The following NRG3 variants were observed in gnomAD, a reference collection of about 807,000 sequenced individuals.
NRG3 encodes neuregulin 3, also known as pro-neuregulin-3, membrane-bound isoform.
A neutral mutation model predicts 66.9 loss-of-function variants in NRG3; 31 were observed. That is an observed-to-expected ratio of 0.46 (90% confidence interval 0.35 to 0.63). NRG3 has a LOEUF of 0.63. Ranked by LOEUF, NRG3 falls within the 20% of genes least tolerant of loss-of-function variation. NRG3 has a pLI of 0.00. For synonymous variants in NRG3, 393 were observed against 359.4 expected, an observed-to-expected ratio of 1.09 and a Z score of -1.06; for missense variants, 910 against 878.9, an observed-to-expected ratio of 1.04 and a Z score of -0.45.
At chr10:82,972,616 T>C (rs1851874430) in intron 6 of NRG3, among the ~76,000 whole-genome samples, 2 of 152,190 alleles carry the variant, frequency 1.3e-5, no homozygotes, top group Non-Finnish European at 2.9e-5. Flanking sequence ...GGGTGGAATT[T>C]ATCTTTAGTT....
intron 4 of NRG3, among the ~76,000 whole-genome samples, chr10:82,916,665 C>T (rs534545158): frequency 2.1e-4 from 31 of 151,102 alleles, no homozygotes; most frequent in Non-Finnish European, 3.4e-4. Flanking sequence ...CTTGCTTGGT[C>T]GCTCAGGCTG....
At chr10:82,403,240 T>A (rs940877412) in intron 2 of NRG3, among the ~76,000 whole-genome samples, 2 of 152,174 alleles carry the variant, frequency 1.3e-5, no homozygotes, top group Non-Finnish European at 2.9e-5. Flanking sequence ...CATTTGAGCA[T>A]CCCATCATTC....
intron 2 of NRG3, among the ~76,000 whole-genome samples, chr10:82,410,373 A>G (rs1564890828): frequency 6.6e-6 from 1 of 151,586 alleles, no homozygotes; most frequent in Non-Finnish European, 1.5e-5. Flanking sequence ...ATGCCACGAC[A>G]TAGTTGAACT....
At chr10:82,245,459 C>A (rs781338081) in intron 1 of NRG3, among the ~76,000 whole-genome samples, 3 of 152,148 alleles carry the variant, frequency 2.0e-5, no homozygotes, top group Non-Finnish European at 1.5e-5. Context: ...GTTAGGGACC[C>A]CTGATGTAAA....
intron 1 of NRG3, 41 bp from the exon 2 acceptor site, chr10:82,358,698 T>C (rs767980524): frequency 6.2e-7 from 1 of 1,612,294 alleles, no homozygotes; most frequent in Non-Finnish European, 8.5e-7. Flanking sequence ...GGTGTCAGAA[T>C]GTACTGCTGA....
chr10:82,495,796 A>G (rs1057156916), intron 2 of NRG3, among the ~76,000 whole-genome samples: 4 of 136,312 alleles, frequency 2.9e-5, no homozygotes, highest in Non-Finnish European at 4.6e-5. Context: ...GTATGTTCCA[A>G]TGTTTTAGAG....
intron 1 of NRG3, among the ~76,000 whole-genome samples, chr10:82,153,068 G>A (rs1021269458): frequency 6.6e-6 from 1 of 152,006 alleles, no homozygotes. Context: ...TTGGGGATGA[G>A]AACTTTTAAA....
At chr10:82,497,759 C>T (rs1352672750) in intron 2 of NRG3, among the ~76,000 whole-genome samples, 2 of 152,076 alleles carry the variant, frequency 1.3e-5, no homozygotes, top group Admixed American at 6.6e-5. Context: ...GATATATACC[C>T]AGAAGTGAGA....
In NRG3 at chr10:82,298,008, G is replaced by C. The variant is rs139660096; in HGVS notation, c.824-60731G>C. 4.7e-3 allele frequency among the ~76,000 whole-genome samples: 717 copies of C among 152,196 alleles called. 6 individuals are homozygous for C. Among genetic ancestry groups the C allele is most frequent in the African/African-American group, 0.017 (687 of 41,522 alleles). On this transcript the variant is annotated intron_variant, in intron 1 of 8. Coordinates refer to ENST00000372141, the MANE Select transcript of NRG3 (RefSeq NM_001010848.4). ...ACTGCAAAAAAATTAGCTGGGTCTG[G>C]TTGCATGTGCTTGTAGTCCCAACTA... is the stretch of plus-strand genomic sequence containing the variant.
chr10:82,955,973 G>T (rs1016696563), intron 5 of NRG3, among the ~76,000 whole-genome samples: 1 of 151,832 alleles, frequency 6.6e-6, no homozygotes. Context: ...GTTTGCTGAG[G>T]TTTTCACTGA....
chr10:82,215,831 G>T (rs1057286909), intron 1 of NRG3, among the ~76,000 whole-genome samples: 1 of 146,990 alleles, frequency 6.8e-6, no homozygotes, highest in Non-Finnish European at 1.5e-5. Context: ...ATTATATTCA[G>T]CCCTTTATAA....
At chr10:82,561,567 C>T (rs192400591) in intron 2 of NRG3, among the ~76,000 whole-genome samples, 8 of 152,224 alleles carry the variant, frequency 5.3e-5, no homozygotes, top group South Asian at 2.1e-4. Context: ...GTGGGAGAAT[C>T]GCTTGAGCCT....
At chr10:82,482,673 T>G (rs578182467) in intron 2 of NRG3, among the ~76,000 whole-genome samples, 1 of 152,038 alleles carries the variant, frequency 6.6e-6, no homozygotes, top group Non-Finnish European at 1.5e-5. Flanking sequence ...AGTCTTAGGG[T>G]TGAGGGCCAG....
At chr10:82,574,906 G>T (rs1358773775) in intron 2 of NRG3, among the ~76,000 whole-genome samples, 1 of 151,742 alleles carries the variant, frequency 6.6e-6, no homozygotes, top group Non-Finnish European at 1.5e-5. Context: ...GAGTAGAATG[G>T]TGGTTACCAG....
chr10:82,116,643 A>G (rs1276240783), intron 1 of NRG3, among the ~76,000 whole-genome samples: 1 of 152,178 alleles, frequency 6.6e-6, no homozygotes, highest in Non-Finnish European at 1.5e-5. Context: ...TCTTTTAAAA[A>G]TGTAATTGTC....
chr10:82,187,923 C>G (rs2073903472), intron 1 of NRG3, among the ~76,000 whole-genome samples: 1 of 150,962 alleles, frequency 6.6e-6, no homozygotes, highest in South Asian at 2.1e-4. Flanking sequence ...AGTGTAATCC[C>G]TATCAAAATA....
At chr10:82,577,874 GTTAAA>G (rs1307108761) in intron 2 of NRG3, among the ~76,000 whole-genome samples, 2 of 151,676 alleles carry the variant, frequency 1.3e-5, no homozygotes, top group Non-Finnish European at 3.0e-5. Context: ...TCATGGCTTT[GTTAAA>G]TTAGGTAGTT....
At chr10:82,343,200 C>G (rs1049205629) in intron 1 of NRG3, among the ~76,000 whole-genome samples, 2 of 152,042 alleles carry the variant, frequency 1.3e-5, no homozygotes, top group African/African-American at 4.8e-5. Context: ...TAAATGATTT[C>G]AGTAAAGTTT....
chr10:82,307,054 T>C (rs2080778609), intron 1 of NRG3, among the ~76,000 whole-genome samples: 1 of 152,176 alleles, frequency 6.6e-6, no homozygotes, highest in African/African-American at 2.4e-5. Context: ...TTTATCACTT[T>C]TTTTGAAGAA....
Sources: allele counts gnomAD v4.1 joint callset (sites outside exome capture counted in the v4.1 genomes callset), GRCh38; gene constraint gnomAD v4.1.1; transcripts MANE v1.5; gene names NCBI Gene and HGNC (gene_info 2026-07-23, HGNC 2026-07-21).